Variants in PTPRB observed in about 807,000 individuals in gnomAD.
The protein encoded by PTPRB is receptor-type tyrosine-protein phosphatase beta.
A neutral mutation model predicts 238.1 loss-of-function variants in PTPRB; 97 were observed. That is an observed-to-expected ratio of 0.41 (90% CI 0.35 to 0.48). The LOEUF (loss-of-function observed/expected upper bound fraction) is 0.48, where lower values mean the gene tolerates loss of function less well. Among genes scored for constraint, PTPRB ranks in the 20% least tolerant of loss-of-function variants. The pLI is 0.30. For missense variants in PTPRB, 2,292 were observed against 2,681.9 expected (o/e 0.85, Z 3.21); for synonymous variants, 970 against 995.4 (o/e 0.97, Z 0.48).
intron 33 of PTPRB, among the ~76,000 whole-genome samples, chr12:70,523,039 T>G (rs1226227850): frequency 1.3e-5 from 2 of 151,542 alleles, no homozygotes; most frequent in Non-Finnish European, 2.9e-5. Context: ...ATTTTTGTAT[T>G]TTTAGTAGAG....
intron 2 of PTPRB, among the ~76,000 whole-genome samples, chr12:70,626,692 T>C (rs1347435828): frequency 6.6e-6 from 1 of 152,036 alleles, no homozygotes; most frequent in Non-Finnish European, 1.5e-5. Flanking sequence ...ATATAAGGAA[T>C]TTGAGCATCC....
chr12:70,564,785 A>G (rs1241928646), intron 15 of PTPRB, among the ~76,000 whole-genome samples: 1 of 151,216 alleles, frequency 6.6e-6, no homozygotes, highest in East Asian at 1.9e-4. Flanking sequence ...GTGAATTGAG[A>G]TTGTGCCACT....
chr12:70,594,928 C>A (rs1446039424), intron 5 of PTPRB, among the ~76,000 whole-genome samples: 1 of 152,150 alleles, frequency 6.6e-6, no homozygotes, highest in Non-Finnish European at 1.5e-5. Flanking sequence ...CAAGTTACAT[C>A]ATAATTTACT....
At chr12:70,593,513 CAAAAAAAAAAAAAAA>C (rs71437149) in intron 6 of PTPRB, among the ~76,000 whole-genome samples, 1 of 36,698 alleles carries the variant, frequency 2.7e-5, no homozygotes, top group African/African-American at 1.1e-4. Context: ...AACTCTGTCT[CAAAAAAAAAAAAAAA>C]AAAAAAAAAA....
chr12:70,526,657 A>G (rs1409471708), intron 32 of PTPRB, among the ~76,000 whole-genome samples: 1 of 152,264 alleles, frequency 6.6e-6, no homozygotes, highest in Non-Finnish European at 1.5e-5. Context: ...GTACAATCTG[A>G]GAATGGTTGT....
chr12:70,568,463 A>G (rs1055089557), intron 14 of PTPRB, among the ~76,000 whole-genome samples: 2 of 151,906 alleles, frequency 1.3e-5, no homozygotes, highest in Non-Finnish European at 2.9e-5. Flanking sequence ...ACACCCAGCT[A>G]ATTTTTTGTA....
At chr12:70,525,723 G>A (rs566139931) in intron 32 of PTPRB, among the ~76,000 whole-genome samples, 16 of 152,238 alleles carry the variant, frequency 1.1e-4, no homozygotes, top group East Asian at 7.7e-4. Context: ...TGATTTCTGC[G>A]GAACCTTCCC....
In PTPRB at chr12:70,581,019, A is replaced by G. The variant is rs1881322827; in HGVS notation, c.2578+17T>C. 1 of 1,610,312 alleles carries G rather than the reference A, an allele frequency of 6.2e-7. No homozygotes were observed. Among genetic ancestry groups the G allele is most frequent in the Non-Finnish European group, 8.5e-7 (1 of 1,177,872 alleles). On this transcript the variant is annotated intron_variant, in intron 10 of 33. Transcript: ENST00000334414. ...CAGATCTTAGTTAAGTCACAGACAC[A>G]TATCTCTACTTCTTACCTGTTCTTC...
At position 70,534,872 on chromosome 12, in the gene PTPRB, G is replaced by A; in HGVS notation, c.6165C>T (p.Val2055=). Residue 2055 remains valine (V), a synonymous_variant, in exon 30 of 34, where the codon GTC becomes GTT. Transcript: ENST00000334414. ...ACTCCCGGATGGTCCACTCAGGCAG[G>A]ACGGACTCTGAGAGCATCTGCAGGA... is the stretch of plus-strand genomic sequence containing the variant. ...DLILQMLSES[V]LPEWTIREFK... 2 of 1,613,962 alleles carry A rather than the reference G, an allele frequency of 1.2e-6. No individual in the cohort carries two copies. Among genetic ancestry groups the A allele is most frequent in the Non-Finnish European group, 8.5e-7 (1 of 1,179,880 alleles).
Position 70,635,946 on chromosome 12 carries a change from T to A in PTPRB, c.176A>T (p.Lys59Met). The change falls in exon 2 of 34, where the codon AAG becomes ATG. Residue 59 changes from lysine (K) to methionine (M), a missense_variant. By Grantham distance (95) the Lys-to-Met change is moderately conservative. Around this residue, in one of 4 missense-constraint regions of PTPRB, gnomAD observed 1,205 missense variants for 1,287.8 expected, o/e 0.94. Transcript: ENST00000334414. ...NQQWMWTEDEKLLHVKSALCL... is the reference protein window; with the variant it reads ...NQQWMWTEDEMLLHVKSALCL... Reference sequence around the variant, plus strand: ...CAGTGCAGATTTAACATGAAGGAGCTTTTCATCCTCAGTCCACATCCACTG... The same window carrying A: ...CAGTGCAGATTTAACATGAAGGAGCATTTCATCCTCAGTCCACATCCACTG... 6.2e-7 allele frequency: 1 copy of A among 1,613,600 alleles called. No homozygotes were observed. The highest frequency in any genetic ancestry group is 8.5e-7 in the Non-Finnish European group (1 of 1,179,796).
chr12:70,522,885 T>G (rs942380856), intron 33 of PTPRB, among the ~76,000 whole-genome samples: 128 of 123,958 alleles, frequency 1.0e-3, no homozygotes, highest in Non-Finnish European at 1.6e-3. Context: ...TTTTTTGAGA[T>G]GGACTCTTGC....
intron 22 of PTPRB, chr12:70,542,578 GA>G (rs144254585): frequency 0.23 from 31,108 of 137,752 alleles, 3,638 homozygotes; most frequent in East Asian, 0.4. Context: ...ACTCCGTCTT[GA>G]AAAAAAAAAA....
intron 4 of PTPRB, among the ~76,000 whole-genome samples, chr12:70,608,290 GTC>G (rs1486317096): frequency 6.6e-6 from 1 of 152,220 alleles, no homozygotes; most frequent in African/African-American, 2.4e-5. Flanking sequence ...TTTAGAGCAT[GTC>G]TGAGGGTAGC....
At chr12:70,593,413 T>C (rs955198280) in intron 6 of PTPRB, among the ~76,000 whole-genome samples, 6 of 146,130 alleles carry the variant, frequency 4.1e-5, no homozygotes, top group African/African-American at 1.5e-4. Context: ...CTCGGGAGGC[T>C]GAAGCAAGAG....
intron 30 of PTPRB, 84 bp from the exon 31 acceptor site, chr12:70,534,735 A>ATGGGC: frequency 6.3e-7 from 1 of 1,598,602 alleles, no homozygotes; most frequent in Admixed American, 1.7e-5. Flanking sequence ...AGCAACTCCT[A>ATGGGC]TGGGCTGAAA....
Position 70,590,068 on chromosome 12 carries a change from T to C in PTPRB, c.1946A>G (p.Tyr649Cys), listed in dbSNP as rs1882320540. Residue 649 changes from tyrosine (Y) to cysteine (C), a missense_variant, in exon 8 of 34, where the codon TAT becomes TGT. Tyr to Cys is a radical substitution (Grantham distance 194, BLOSUM62 -2). Around this residue, in one of 4 missense-constraint regions of PTPRB, gnomAD observed 1,205 missense variants for 1,287.8 expected, o/e 0.94. Coordinates refer to ENST00000334414, the MANE Select transcript of PTPRB (RefSeq NM_001109754.4). ...TACGAGCCCCGTGTCATCCATGACA[T>C]ACTGTGTTTCTTCCTTTCCCACAGT... Reference protein sequence around the residue: ...NITVGKEETQYVMDDTGLVPG... With the variant: ...NITVGKEETQCVMDDTGLVPG... 1 of 1,613,974 alleles carries C rather than the reference T, an allele frequency of 6.2e-7. No homozygotes were observed. The highest frequency in any genetic ancestry group is 2.2e-5 in the East Asian group (1 of 44,878).
chr12:70,598,526 C>T (rs1214285721), intron 4 of PTPRB, among the ~76,000 whole-genome samples: 3 of 139,546 alleles, frequency 2.1e-5, no homozygotes, highest in South Asian at 2.4e-4. Context: ...CTCCACTTTC[C>T]TATCTGGGGA....
rs748340092 is a variant in PTPRB at position 70,636,060 on chromosome 12, A to T, written c.62T>A (p.Phe21Tyr). Residue 21 changes from phenylalanine to tyrosine, a missense_variant, in exon 2 of 34, where the codon TTT becomes TAT. This residue lies in a region of PTPRB where 1,205 missense variants were observed against 1,287.8 expected (regional missense o/e 0.94). Transcript: ENST00000334414. Reference protein sequence around the residue: ...TCLIFRNSEGFQIVHVQKQQC... With the variant: ...TCLIFRNSEGYQIVHVQKQQC... The stretch of plus-strand genomic sequence containing the variant: ...TTGTTTCTGGACATGGACAATCTGA[A>T]ACCCTTCTGGAAGATGAAAAGCTCA... 9 of 1,608,750 alleles carry T rather than the reference A, an allele frequency of 5.6e-6. No homozygotes were observed. Among genetic ancestry groups the T allele is most frequent in the Non-Finnish European group, 5.9e-6 (7 of 1,176,870 alleles).
intron 32 of PTPRB, among the ~76,000 whole-genome samples, chr12:70,524,971 A>ATG (rs555775169): frequency 0.022 from 3,138 of 142,792 alleles, 86 homozygotes; most frequent in African/African-American, 0.076. Flanking sequence ...ATGTGTATAT[A>ATG]TGTGTGTGTG....
Sources: allele counts gnomAD v4.1 joint callset (sites outside exome capture counted in the v4.1 genomes callset), GRCh38; gene constraint gnomAD v4.1.1; regional missense constraint gnomAD v4.1.1; transcripts MANE v1.5; gene names NCBI Gene and HGNC (gene_info 2026-07-23, HGNC 2026-07-21).